Variants in SLC10A7 observed in about 807,000 individuals in gnomAD.
The protein encoded by SLC10A7 is sodium/bile acid cotransporter 7.
A neutral mutation model predicts 43.2 loss-of-function variants in SLC10A7; 29 were observed. The observed-to-expected ratio is 0.67, with a 90% CI of 0.50 to 0.92. The LOEUF (loss-of-function observed/expected upper bound fraction) is 0.92. Among genes scored for constraint, SLC10A7 ranks in the 40% least tolerant of loss-of-function variants. SLC10A7 has a pLI of 0.00. For synonymous variants in SLC10A7, 152 were observed against 144.8 expected (o/e 1.05, Z -0.35); for missense variants, 295 against 403.2 (o/e 0.73, Z 2.30).
intron 5 of SLC10A7, among the ~76,000 whole-genome samples, chr4:146,331,425 G>GA (rs2149713837): frequency 6.6e-6 from 1 of 152,282 alleles, no homozygotes; most frequent in South Asian, 2.1e-4. Flanking sequence ...CTGTCTAGTA[G>GA]AAAAAATAAC....
rs961141366 is a variant in SLC10A7, at chr4:146,283,378, G to A, written c.774-113C>T. 3.0e-5 allele frequency: 24 copies of A among 787,334 alleles called. No homozygotes were observed. In the African/African-American group the frequency reaches 4.0e-4, roughly 13 times the overall value. The allele number at this position is 787,334 out of a possible 1,614,324, so 48.8% of individuals were successfully genotyped here. A position where few individuals can be genotyped will look rare whatever the true frequency, so the allele number is the denominator to read the frequency against. ...TAACATCCCTTTGATCAATCCTGGT[G>A]ACAGTAGTAATTCTACACCCAAATG... On this transcript the variant is annotated intron_variant, in intron 9 of 11. Transcript: ENST00000335472.
chr4:146,356,057 T>C (rs991758265), intron 5 of SLC10A7, among the ~76,000 whole-genome samples: 1 of 146,396 alleles, frequency 6.8e-6, no homozygotes, highest in African/African-American at 2.5e-5. Context: ...AAAAAATATA[T>C]ATATATATAT....
intron 10 of SLC10A7, among the ~76,000 whole-genome samples, chr4:146,279,281 C>T (rs1049415704): frequency 2.6e-5 from 4 of 152,026 alleles, no homozygotes; most frequent in African/African-American, 9.7e-5. Context: ...TGCTAAGTAT[C>T]GTGAGAAAGT....
Position 146,256,269 on chromosome 4 carries a change from A to T in SLC10A7, c.*222T>A, listed in dbSNP as rs1278761333. The stretch of plus-strand genomic sequence containing the variant: ...TTCCTGCATTAGGAAAGCAAAATTA[A>T]CCCCCAAATATTGTACCACCCCTGG... On this transcript the variant is annotated 3_prime_UTR_variant, in exon 12 of 12. Transcript: ENST00000335472. 1.8e-6 allele frequency: 1 copy of T among 558,652 alleles called. No homozygotes were observed. Among genetic ancestry groups the T allele is most frequent in the Non-Finnish European group, 3.2e-6 (1 of 314,830 alleles). The allele number at this position is 558,652 out of a possible 1,614,324, so 34.6% of individuals were successfully genotyped here. A position where few individuals can be genotyped will look rare whatever the true frequency, so the allele number is the denominator to read the frequency against.
chr4:146,384,374 T>C (rs1023187480), intron 5 of SLC10A7, among the ~76,000 whole-genome samples: 2 of 152,070 alleles, frequency 1.3e-5, no homozygotes, highest in Non-Finnish European at 1.5e-5. Flanking sequence ...AGAAATAATA[T>C]ATGCAACACA....
At chr4:146,500,881 C>T (rs1736346776) in intron 4 of SLC10A7, among the ~76,000 whole-genome samples, 2 of 152,202 alleles carry the variant, frequency 1.3e-5, no homozygotes, top group African/African-American at 2.4e-5. Flanking sequence ...CTCCATGTAG[C>T]ATAATTTAGT....
chr4:146,444,640 T>G (rs1181600511), intron 4 of SLC10A7, among the ~76,000 whole-genome samples: 1 of 152,188 alleles, frequency 6.6e-6, no homozygotes, highest in Non-Finnish European at 1.5e-5. Context: ...CCTATATTCC[T>G]GCCTCTTATA....
chr4:146,521,387 ATTGT>A (rs1365846718), intron 1 of SLC10A7, among the ~76,000 whole-genome samples: 1 of 152,132 alleles, frequency 6.6e-6, no homozygotes, highest in Non-Finnish European at 1.5e-5. Context: ...CAGGATAGTC[ATTGT>A]TTGTCTACGG....
chr4:146,396,805 A>G (rs1001086744), intron 5 of SLC10A7, among the ~76,000 whole-genome samples: 7 of 87,494 alleles, frequency 8.0e-5, no homozygotes, highest in Admixed American at 6.8e-4. Context: ...AAAATCACTG[A>G]AAAAAAAAAG....
chr4:146,458,341 A>G (rs1348801320), intron 4 of SLC10A7, among the ~76,000 whole-genome samples: 1 of 151,784 alleles, frequency 6.6e-6, no homozygotes, highest in Non-Finnish European at 1.5e-5. Context: ...CATATAAAAA[A>G]CCAAACAGCT....
intron 4 of SLC10A7, among the ~76,000 whole-genome samples, chr4:146,449,267 C>G (rs1436310001): frequency 6.6e-6 from 1 of 152,094 alleles, no homozygotes; most frequent in Non-Finnish European, 1.5e-5. Flanking sequence ...CTGCCTAGAA[C>G]AGACCACAAT....
chr4:146,380,339 AT>A (rs1737523237), intron 5 of SLC10A7, among the ~76,000 whole-genome samples: 1 of 152,182 alleles, frequency 6.6e-6, no homozygotes, highest in South Asian at 2.1e-4. Flanking sequence ...TAATGTGGTA[AT>A]AGGCTTGTGA....
chr4:146,290,292 C>T (rs1437668271), intron 9 of SLC10A7, among the ~76,000 whole-genome samples: 1 of 143,418 alleles, frequency 7.0e-6, no homozygotes, highest in African/African-American at 2.6e-5. Context: ...CCACTGCACT[C>T]CAGCCTGGGC....
At chr4:146,472,192 C>A (rs1268708551) in intron 4 of SLC10A7, among the ~76,000 whole-genome samples, 1 of 56,838 alleles carries the variant, frequency 1.8e-5, no homozygotes, top group African/African-American at 7.2e-5. Context: ...TACCTGGGTA[C>A]AAATGTGTTA....
At chr4:146,273,810 G>A (rs1013607280) in intron 10 of SLC10A7, among the ~76,000 whole-genome samples, 1 of 151,956 alleles carries the variant, frequency 6.6e-6, no homozygotes, top group Admixed American at 6.6e-5. Context: ...ACTCCCTCCC[G>A]CCGATGCTGC....
At chr4:146,521,022 A>T (rs1332091587) in intron 1 of SLC10A7, among the ~76,000 whole-genome samples, 1 of 152,050 alleles carries the variant, frequency 6.6e-6, no homozygotes, top group Non-Finnish European at 1.5e-5. Context: ...CTAGTATAGC[A>T]ACTGAATCCC....
intron 9 of SLC10A7, 121 bp downstream of exon 9, chr4:146,292,808 C>G: frequency 1.6e-6 from 1 of 638,752 alleles, no homozygotes. Flanking sequence ...GTCAGGGAGA[C>G]AGGAGAAAAA....
chr4:146,437,713 A>G (rs1730310157), intron 5 of SLC10A7, among the ~76,000 whole-genome samples: 1 of 152,082 alleles, frequency 6.6e-6, no homozygotes, highest in African/African-American at 2.4e-5. Context: ...AACCAAATTA[A>G]CAATTGAATC....
At chr4:146,416,526 A>T (rs1728577070) in intron 5 of SLC10A7, among the ~76,000 whole-genome samples, 1 of 152,184 alleles carries the variant, frequency 6.6e-6, no homozygotes, top group South Asian at 2.1e-4. Flanking sequence ...CTCTCCAAGA[A>T]CTTACATCCT....
Sources: gnomAD v4.1 joint callset for allele counts (sites outside exome capture counted in the v4.1 genomes callset) on GRCh38, gnomAD v4.1.1 for gene constraint, MANE v1.5 for transcripts, NCBI Gene and HGNC (gene_info 2026-07-23, HGNC 2026-07-21) for gene names.